The following SLC35F4 variants were observed in gnomAD, a reference collection of about 807,000 sequenced individuals.
SLC35F4 encodes the protein solute carrier family 35 member F4.
SLC35F4 carries 24 observed loss-of-function variants against 44.2 expected under a neutral mutation model. The observed-to-expected ratio is 0.54, with a 90% CI of 0.39 to 0.76. The LOEUF is 0.76. Among genes scored for constraint, SLC35F4 ranks in the 30% least tolerant of loss-of-function variants. The pLI, the probability that SLC35F4 is intolerant of heterozygous loss-of-function variation, is 0.00. For missense variants in SLC35F4, 562 were observed against 586.1 expected (o/e 0.96, Z 0.42); for synonymous variants, 238 against 223.6 (o/e 1.06, Z -0.57).
At chr14:57,706,658 C>T (rs2075684174) in intron 1 of SLC35F4, among the ~76,000 whole-genome samples, 1 of 152,100 alleles carries the variant, frequency 6.6e-6, no homozygotes, top group South Asian at 2.1e-4. Context: ...GTAAGACTGG[C>T]ATTTGGCCAC....
At chr14:57,789,509 C>T (rs1012745132) in intron 1 of SLC35F4, among the ~76,000 whole-genome samples, 5 of 152,054 alleles carry the variant, frequency 3.3e-5, no homozygotes, top group African/African-American at 1.2e-4. Context: ...AATTAATAGC[C>T]TACCAACCAA....
chr14:57,569,261 T>C (rs1163974355), intron 6 of SLC35F4, among the ~76,000 whole-genome samples: 1 of 152,156 alleles, frequency 6.6e-6, no homozygotes, highest in Non-Finnish European at 1.5e-5. Flanking sequence ...ACCAAACTGC[T>C]TAAAAATTAC....
intron 1 of SLC35F4, among the ~76,000 whole-genome samples, chr14:57,883,151 A>G (rs5003846): frequency 0.084 from 12,774 of 152,196 alleles, 605 homozygotes; most frequent in Middle Eastern, 0.15. Flanking sequence ...ACCAAAGCTT[A>G]AAGCAAAGCC....
At chr14:57,589,845 C>T (rs1177258164) in intron 2 of SLC35F4, among the ~76,000 whole-genome samples, 3 of 152,156 alleles carry the variant, frequency 2.0e-5, no homozygotes, top group Admixed American at 6.5e-5. Context: ...ACATGCCCTG[C>T]GCTTTCTATT....
chr14:57,949,492 G>A (rs1255459805), intron 1 of SLC35F4, among the ~76,000 whole-genome samples: 1 of 152,116 alleles, frequency 6.6e-6, no homozygotes, highest in Non-Finnish European at 1.5e-5. Context: ...CTGCCATTCT[G>A]TATCTTTCAA....
intron 1 of SLC35F4, among the ~76,000 whole-genome samples, chr14:57,854,393 A>T (rs571216547): frequency 3.5e-4 from 53 of 152,288 alleles, no homozygotes; most frequent in East Asian, 1.5e-3. Flanking sequence ...ATATATTTTT[A>T]AAAAAAGAAC....
chr14:57,887,379 A>G (rs192652493), intron 1 of SLC35F4, among the ~76,000 whole-genome samples: 1 of 152,320 alleles, frequency 6.6e-6, no homozygotes, highest in African/African-American at 2.4e-5. Context: ...ACAGAGGCAC[A>G]CCAGCTCAAC....
chr14:57,936,720 G>C (rs537281530), intron 1 of SLC35F4, among the ~76,000 whole-genome samples: 1 of 152,342 alleles, frequency 6.6e-6, no homozygotes, highest in Admixed American at 6.5e-5. Context: ...ACTAGACTCA[G>C]TATTGGGAAG....
chr14:57,951,200 C>T (rs1890133239), intron 1 of SLC35F4, among the ~76,000 whole-genome samples: 1 of 152,116 alleles, frequency 6.6e-6, no homozygotes, highest in Non-Finnish European at 1.5e-5. Context: ...ACCTCCCTCC[C>T]CTAGCCAAGG....
intron 1 of SLC35F4, among the ~76,000 whole-genome samples, chr14:57,845,421 C>A (rs1452068348): frequency 6.6e-6 from 1 of 152,196 alleles, no homozygotes; most frequent in Non-Finnish European, 1.5e-5. Context: ...GGGTAAAATG[C>A]ATACAACTGT....
chr14:57,978,678 G>C (rs1322887497), intron 1 of SLC35F4, among the ~76,000 whole-genome samples: 1 of 152,122 alleles, frequency 6.6e-6, no homozygotes, highest in African/African-American at 2.4e-5. Flanking sequence ...CAAATTAAAA[G>C]GTGGAAGTAG....
chr14:57,628,223 G>T (rs2072572020), intron 1 of SLC35F4, among the ~76,000 whole-genome samples: 1 of 133,670 alleles, frequency 7.5e-6, no homozygotes, highest in African/African-American at 2.8e-5. Context: ...AGACATCGCT[G>T]ATGCTTTCTA....
chr14:57,934,962 G>A (rs1217970005), intron 1 of SLC35F4, among the ~76,000 whole-genome samples: 1 of 152,144 alleles, frequency 6.6e-6, no homozygotes, highest in Non-Finnish European at 1.5e-5. Flanking sequence ...ACCTTTCCCT[G>A]TGCACTGAAT....
chr14:57,715,010 G>A (rs1442578441), intron 1 of SLC35F4, among the ~76,000 whole-genome samples: 1 of 152,156 alleles, frequency 6.6e-6, no homozygotes, highest in Non-Finnish European at 1.5e-5. Context: ...CAAAGACTGA[G>A]TAGAAGGAGC....
intron 1 of SLC35F4, among the ~76,000 whole-genome samples, chr14:57,697,544 T>C (rs761123150): frequency 6.6e-6 from 1 of 151,806 alleles, no homozygotes; most frequent in Non-Finnish European, 1.5e-5. Flanking sequence ...CTACAAAAAA[T>C]ACAAAAATTA....
intron 1 of SLC35F4, among the ~76,000 whole-genome samples, chr14:57,727,327 T>C (rs2076230201): frequency 6.6e-6 from 1 of 152,024 alleles, no homozygotes; most frequent in Non-Finnish European, 1.5e-5. Context: ...GGCTAAAGTT[T>C]TGTCAATTTT....
intron 1 of SLC35F4, among the ~76,000 whole-genome samples, chr14:57,766,315 C>A (rs17093674): frequency 0.053 from 7,995 of 152,260 alleles, 271 homozygotes; most frequent in African/African-American, 0.092. Context: ...GGTCCTGAAA[C>A]TTCAGTTAAG....
chr14:57,840,984 T>C (rs1254259191), intron 1 of SLC35F4, among the ~76,000 whole-genome samples: 1 of 152,208 alleles, frequency 6.6e-6, no homozygotes, highest in African/African-American at 2.4e-5. Flanking sequence ...TTTCATTTAA[T>C]TTTTAAAATG....
chr14:57,887,450 T>C (rs1302799426), intron 1 of SLC35F4, among the ~76,000 whole-genome samples: 1 of 152,228 alleles, frequency 6.6e-6, no homozygotes, highest in African/African-American at 2.4e-5. Context: ...ATAAACGGGA[T>C]GTTACTCCAT....
Sources: allele counts gnomAD v4.1 joint callset (sites outside exome capture counted in the v4.1 genomes callset), GRCh38; gene constraint gnomAD v4.1.1; transcripts MANE v1.5; gene names NCBI Gene and HGNC (gene_info 2026-07-23, HGNC 2026-07-21).